The following ZP3 variants were observed in gnomAD, a reference collection of about 807,000 sequenced individuals.
ZP3 encodes the protein zona pellucida glycoprotein 3.
Under a neutral mutation model 35.6 loss-of-function variants are expected in ZP3, and 21 were observed. That is an observed-to-expected ratio of 0.59 (90% confidence interval 0.42 to 0.85). The LOEUF (loss-of-function observed/expected upper bound fraction) is 0.85, where lower values mean the gene tolerates loss of function less well. ZP3 is among the 40% of genes least tolerant of loss of function. The probability of loss-of-function intolerance (pLI) is 0.00; values close to 1 mark genes in which losing one functional copy is unlikely to be tolerated. For synonymous variants in ZP3, 207 were observed against 214.5 expected (o/e 0.96, Z 0.31); for missense variants, 437 against 536.5 (o/e 0.81, Z 1.83).
intron 1 of ZP3, among the ~76,000 whole-genome samples, chr7:76,418,724 CAG>C (rs1563693752): frequency 0.01 from 1,569 of 151,902 alleles, 27 homozygotes; most frequent in African/African-American, 0.036. Context: ...GGCGTGGTGG[CAG>C]GCGCCTATAG....
intron 1 of ZP3, among the ~76,000 whole-genome samples, chr7:76,399,452 T>C (rs1006529845): frequency 1.3e-5 from 2 of 152,172 alleles, no homozygotes; most frequent in Non-Finnish European, 2.9e-5. Context: ...CCTGATTTTC[T>C]TGAAAACTAG....
In ZP3 at chr7:76,432,927, G is replaced by A. The variant is rs199644652; in HGVS notation, c.432G>A (p.Arg144=). 6.3e-5 allele frequency: 101 copies of A among 1,613,598 alleles called. No individual in the cohort carries two copies. Among genetic ancestry groups the A allele is most frequent in the Non-Finnish European group, 8.1e-5 (96 of 1,179,872 alleles). ...AEIPIECRYP[R]QGNVSSQAIL... is the part of the protein sequence containing the mutation. Reference sequence around the variant, plus strand: ...TGCACAGCTGCTGTTCTTCTCTCAGGCAGGGCAATGTGAGCAGCCAGGCCA... The same window carrying A: ...TGCACAGCTGCTGTTCTTCTCTCAGACAGGGCAATGTGAGCAGCCAGGCCA... The change falls in exon 3 of 8, where the codon AGG becomes AGA. Residue 144 remains arginine (R), a splice_region_variant and synonymous_variant. Coordinates refer to ENST00000394857, the MANE Select transcript of ZP3 (RefSeq NM_001110354.2).
chr7:76,416,070 C>T (rs1318951555), intron 1 of ZP3, among the ~76,000 whole-genome samples: 2 of 151,648 alleles, frequency 1.3e-5, no homozygotes, highest in Non-Finnish European at 2.9e-5. Context: ...GCAGATGTTG[C>T]AGTGAGCCGA....
In ZP3 at chr7:76,433,940, C is replaced by T; in HGVS notation, c.714-98C>T. 3 of 652,138 alleles carry T rather than the reference C, an allele frequency of 4.6e-6. No individual in the cohort carries two copies. The South Asian group carries it at 5.7e-5, about 12-fold the overall frequency. 40.4% of individuals were successfully genotyped at this position (652,138 alleles called of 1,614,324 possible). A position where few individuals can be genotyped will look rare whatever the true frequency, so the allele number is the denominator to read the frequency against. On this transcript the variant is annotated intron_variant, in intron 4 of 7. Coordinates refer to ENST00000394857, the MANE Select transcript of ZP3 (RefSeq NM_001110354.2). ...TCTCGAACTCCTGACCTCAAGTGAT[C>T]CACCCACCTTGGCCTCCCAAAGTGC...
At chr7:76,398,689 C>T in intron 1 of ZP3, 1 of 1,610,040 alleles carries the variant, frequency 6.2e-7, no homozygotes, top group Non-Finnish European at 8.5e-7. Context: ...TCTCCCAAAA[C>T]CCAGGTGGTG....
At chr7:76,405,504 C>T (rs1316606096) in intron 1 of ZP3, among the ~76,000 whole-genome samples, 3 of 149,704 alleles carry the variant, frequency 2.0e-5, no homozygotes, top group African/African-American at 4.9e-5. Context: ...TTTTATGAGT[C>T]GGGTATGGTG....
At chr7:76,437,171 C>CTTT (rs869115807) in intron 5 of ZP3, among the ~76,000 whole-genome samples, 8,720 of 78,948 alleles carry the variant, frequency 0.11, 424 homozygotes, top group South Asian at 0.14. Context: ...ACCCTGTGTA[C>CTTT]TTTTTTTTTT....
chr7:76,415,193 T>C lies in ZP3; in HGVS notation c.-66-9859T>C, dbSNP rs918211580. ...GAATTCAAGACCAGCCTGGCCAACA[T>C]GGTGAAACCCTGTCTCTGCTAAATT... On this transcript the variant is annotated intron_variant, in intron 1 of 8. Transcript: ENST00000336517. Among the ~76,000 whole-genome samples, 21 of 151,546 alleles carry C rather than the reference T, an allele frequency of 1.4e-4. No individual in the cohort carries two copies. The East Asian group carries it at 3.0e-3, about 22-fold the overall frequency.
At chr7:76,423,496 C>T (rs1805573720), upstream of ZP3, among the ~76,000 whole-genome samples, 1 of 152,172 alleles carries the variant, frequency 6.6e-6, no homozygotes, top group Admixed American at 6.6e-5. Flanking sequence ...GGACACTCCA[C>T]AACCTTGGTT....
intron 5 of ZP3, among the ~76,000 whole-genome samples, chr7:76,436,151 A>G (rs908693013): frequency 1.5e-5 from 2 of 137,536 alleles, no homozygotes; most frequent in Admixed American, 8.4e-5. Flanking sequence ...TCCCAGGCTC[A>G]AGCGATTCTC....
chr7:76,409,742 A>T (rs1351373448), intron 1 of ZP3: 1 of 152,762 alleles, frequency 6.5e-6, no homozygotes, highest in African/African-American at 2.4e-5. Flanking sequence ...GGAGGCATGG[A>T]CTCTCAAGGC....
intron 1 of ZP3, among the ~76,000 whole-genome samples, chr7:76,415,994 G>T (rs1805361314): frequency 6.6e-6 from 1 of 151,834 alleles, no homozygotes; most frequent in African/African-American, 2.4e-5. Context: ...GCCGGGTGTG[G>T]TGTTGCACAC....
rs138711194 is a variant in ZP3 at position 76,429,600 on chromosome 7, G to T, written c.398G>T (p.Arg133Leu). ...AACCTGTCCATCGTGAGGACTAACC[G>T]CGCAGAGATTCCCATCGAGTGCCGC... is the stretch of plus-strand genomic sequence containing the variant. ...VGNLSIVRTN[R>L]AEIPIECRYP... Residue 133 changes from arginine (R) to leucine (L), a missense_variant, in exon 2 of 8, where the codon CGC becomes CTC. Arg to Leu is a moderately radical substitution (Grantham distance 102). Transcript: ENST00000394857. The T allele has an allele frequency of 1.9e-6, 3 of 1,614,066 alleles. No individual in the cohort carries two copies. The highest frequency in any genetic ancestry group is 2.2e-5 in the South Asian group (2 of 91,082).
At chr7:76,404,281 G>T in intron 1 of ZP3, 1 of 1,531,822 alleles carries the variant, frequency 6.5e-7, no homozygotes, top group South Asian at 1.3e-5. Flanking sequence ...AGAGGAAGTG[G>T]CAAGGGCTAA....
intron 1 of ZP3, among the ~76,000 whole-genome samples, chr7:76,410,909 C>T (rs1372274809): frequency 3.3e-5 from 5 of 149,820 alleles, no homozygotes; most frequent in Admixed American, 6.7e-5. Flanking sequence ...GTGGGAGAAT[C>T]GCCTGAACCC....
rs147813294 is a variant in ZP3 at position 76,438,049 on chromosome 7, T to C, written c.832-2201T>C. On this transcript the variant is annotated intron_variant, in intron 5 of 7. Coordinates refer to ENST00000394857, the MANE Select transcript of ZP3 (RefSeq NM_001110354.2). ...TTTCAAGTTTCTCTGCTGGTGTACTTGGCCACTAGGTGGTGACTGAGGCTT... is the reference window on the plus strand; with the variant it reads ...TTTCAAGTTTCTCTGCTGGTGTACTCGGCCACTAGGTGGTGACTGAGGCTT... Among the ~76,000 whole-genome samples the C allele has an allele frequency of 5.9e-3, 875 of 147,436 alleles. 17 individuals carry two copies. Among genetic ancestry groups the C allele is most frequent in the Middle Eastern group, 0.011 (3 of 284 alleles).
intron 5 of ZP3, among the ~76,000 whole-genome samples, chr7:76,435,869 C>T (rs1213211949): frequency 2.0e-5 from 3 of 151,444 alleles, no homozygotes; most frequent in African/African-American, 2.4e-5. Flanking sequence ...GGATTGTAGG[C>T]GCCTGCCACC....
intron 1 of ZP3, among the ~76,000 whole-genome samples, chr7:76,399,616 C>A (rs1336776301): frequency 6.6e-6 from 1 of 151,980 alleles, no homozygotes; most frequent in Admixed American, 6.6e-5. Context: ...CTCACTGCAG[C>A]CTTGACCCCC....
intron 1 of ZP3, among the ~76,000 whole-genome samples, chr7:76,402,492 A>AT (rs1656667420): frequency 6.7e-6 from 1 of 148,920 alleles, no homozygotes; most frequent in Admixed American, 6.7e-5. Context: ...TAATTTTTTA[A>AT]TTTTTTGTAG....
Sources: gnomAD v4.1 joint callset for allele counts (sites outside exome capture counted in the v4.1 genomes callset) on GRCh38, gnomAD v4.1.1 for gene constraint, MANE v1.5 for transcripts, NCBI Gene and HGNC (gene_info 2026-07-23, HGNC 2026-07-21) for gene names.